The following FAM169A variants were observed in gnomAD, a reference collection of about 807,000 sequenced individuals.
FAM169A encodes the protein family with sequence similarity 169 member A.
In FAM169A, 24 loss-of-function variants were observed where a neutral mutation model predicts 75.7. The observed-to-expected ratio is 0.32, with a 90% CI of 0.23 to 0.45. FAM169A has a LOEUF of 0.45. Ranked by LOEUF, FAM169A falls within the 20% of genes least tolerant of loss-of-function variation. The probability of loss-of-function intolerance (pLI) is 1.00; values close to 1 mark genes in which losing one functional copy is unlikely to be tolerated. For synonymous variants in FAM169A, 271 were observed against 271.0 expected, an observed-to-expected ratio of 1.00 and a Z score of 0.00; for missense variants, 673 against 784.0, an observed-to-expected ratio of 0.86 and a Z score of 1.69.
In FAM169A at chr5:74,778,285, A is replaced by G. The variant is rs151163741; in HGVS notation, c.*3175T>C. On this transcript the variant is annotated 3_prime_UTR_variant, in exon 13 of 13. Coordinates refer to ENST00000687041, the MANE Select transcript of FAM169A (RefSeq NM_001376049.1). ...TAACACAGATGAGTAATATTAGTATAAATTTTTTATGTACATTAAGATCTG... is the reference window on the plus strand; with the variant it reads ...TAACACAGATGAGTAATATTAGTATGAATTTTTTATGTACATTAAGATCTG... 3.9e-5 allele frequency: 6 copies of G among 152,194 alleles called. No individual in the cohort carries two copies. The East Asian group carries it at 1.2e-3, about 29-fold the overall frequency. 9.4% of individuals were successfully genotyped at this position (152,194 alleles called of 1,614,324 possible).
chr5:74,818,795 C>A (rs1469348102), intron 5 of FAM169A, among the ~76,000 whole-genome samples: 224 of 139,848 alleles, frequency 1.6e-3, no homozygotes, highest in Non-Finnish European at 2.5e-3. Flanking sequence ...CTCTCTCTCT[C>A]TCTCTCTCTA....
At position 74,796,109 on chromosome 5, in the gene FAM169A, A is replaced by G; in HGVS notation, c.1181T>C (p.Phe394Ser). The stretch of plus-strand genomic sequence containing the variant: ...ATCTCTATCACTGCTTTCATCCTCA[A>G]ATTCAATCCCTCTCTGTTCAGGTTC... ...EEEPEQRGIE[F>S]EDESSDRDAR... The change falls in exon 11 of 13, where the codon TTT (phenylalanine) becomes TCT (serine). Residue 394 changes from phenylalanine (F) to serine (S), a missense_variant. By Grantham distance (155) the Phe-to-Ser change is radical. Around this residue, in one of 3 missense-constraint regions of FAM169A, gnomAD observed 510 missense variants for 550.9 expected, o/e 0.93. Coordinates refer to ENST00000687041, the MANE Select transcript of FAM169A (RefSeq NM_001376049.1). The G allele has an allele frequency of 1.2e-6, 2 of 1,614,070 alleles. No homozygotes were observed. The highest frequency in any genetic ancestry group is 1.1e-5 in the South Asian group (1 of 91,064).
At chr5:74,831,914 A>G (rs1272672979) in intron 5 of FAM169A, among the ~76,000 whole-genome samples, 1 of 152,120 alleles carries the variant, frequency 6.6e-6, no homozygotes, top group Non-Finnish European at 1.5e-5. Flanking sequence ...AATACCTTCA[A>G]TCTCACTCAA....
intron 1 of FAM169A, among the ~76,000 whole-genome samples, chr5:74,842,257 C>T (rs559295651): frequency 4.0e-5 from 6 of 151,498 alleles, no homozygotes; most frequent in African/African-American, 7.3e-5. Flanking sequence ...CCCATCTCTA[C>T]TAAAAATACA....
chr5:74,861,682 C>T (rs908403746), intron 1 of FAM169A, among the ~76,000 whole-genome samples: 1 of 151,978 alleles, frequency 6.6e-6, no homozygotes, highest in South Asian at 2.1e-4. Context: ...AAGTTAACTT[C>T]TCTCCCTCTA....
chr5:74,814,380 A>G (rs888805582), intron 5 of FAM169A, among the ~76,000 whole-genome samples: 6 of 152,160 alleles, frequency 3.9e-5, no homozygotes, highest in African/African-American at 1.4e-4. Context: ...AAATTTGAAG[A>G]GTATTTGAAG....
intron 1 of FAM169A, among the ~76,000 whole-genome samples, chr5:74,858,224 A>G (rs1749825662): frequency 6.6e-6 from 1 of 152,048 alleles, no homozygotes; most frequent in Non-Finnish European, 1.5e-5. Context: ...CGTCTCTACT[A>G]AAAATGCAAA....
Position 74,813,677 on chromosome 5 carries a change from G to A in FAM169A, c.670+163C>T, listed in dbSNP as rs117245083. Among the ~76,000 whole-genome samples the A allele has an allele frequency of 2.6e-3, 398 of 152,054 alleles. 14 individuals carry two copies. In the East Asian group the frequency reaches 0.062, roughly 24 times the overall value. On this transcript the variant is annotated intron_variant, in intron 6 of 12. Coordinates refer to ENST00000687041, the MANE Select transcript of FAM169A (RefSeq NM_001376049.1). ...TAGTTTTTTAAGACTGCCAAACCCC[G>A]AGAAAACAAATACATAAGGGCACAT...
In FAM169A at chr5:74,835,071, G is replaced by C. The variant is rs528410076; in HGVS notation, c.319-474C>G. On this transcript the variant is annotated intron_variant, in intron 4 of 12. Coordinates refer to ENST00000687041, the MANE Select transcript of FAM169A (RefSeq NM_001376049.1). The stretch of plus-strand genomic sequence containing the variant: ...TAAGAACAATTACATCATTTGGTGA[G>C]GGAAGCCATAATTACACTCTTGGGA... Among the ~76,000 whole-genome samples, 27 of 151,650 alleles carry C rather than the reference G, an allele frequency of 1.8e-4. No homozygotes were observed. In the East Asian group the frequency reaches 5.0e-3, roughly 28 times the overall value.
At chr5:74,790,270 C>T (rs1196688144) in intron 11 of FAM169A, among the ~76,000 whole-genome samples, 2 of 152,176 alleles carry the variant, frequency 1.3e-5, no homozygotes, top group Non-Finnish European at 2.9e-5. Context: ...CAAAAGTGGA[C>T]AGCTACAGCC....
chr5:74,856,392 A>C (rs1749706726), intron 1 of FAM169A, among the ~76,000 whole-genome samples: 1 of 152,174 alleles, frequency 6.6e-6, no homozygotes, highest in Non-Finnish European at 1.5e-5. Flanking sequence ...CATGTTGACA[A>C]TATTGATTCT....
At chr5:74,840,673 T>C (rs926144174) in intron 2 of FAM169A, among the ~76,000 whole-genome samples, 2 of 151,082 alleles carry the variant, frequency 1.3e-5, no homozygotes, top group Non-Finnish European at 3.0e-5. Context: ...ACTAAAAATA[T>C]CAAAAATTAG....
chr5:74,863,830 T>C (rs975800188), intron 1 of FAM169A, among the ~76,000 whole-genome samples: 2 of 152,052 alleles, frequency 1.3e-5, no homozygotes, highest in Non-Finnish European at 2.9e-5. Context: ...ACAGAATCAA[T>C]GTAAAAGTTT....
chr5:74,850,194 G>T (rs1483571713), intron 1 of FAM169A, among the ~76,000 whole-genome samples: 1 of 152,182 alleles, frequency 6.6e-6, no homozygotes, highest in Non-Finnish European at 1.5e-5. Context: ...ACACAAAGTG[G>T]CTGAGTAACT....
chr5:74,805,316 C>T (rs2112544094), intron 6 of FAM169A, 32 bp from the exon 7 acceptor site: 1 of 1,603,656 alleles, frequency 6.2e-7, no homozygotes, highest in East Asian at 2.2e-5. Flanking sequence ...TTCTAGAAAT[C>T]CCAAATATCC....
At chr5:74,832,191 T>G (rs1036026317) in intron 5 of FAM169A, among the ~76,000 whole-genome samples, 3 of 151,668 alleles carry the variant, frequency 2.0e-5, no homozygotes, top group Non-Finnish European at 4.4e-5. Flanking sequence ...TGAGAAAAAA[T>G]GAAACACACC....
chr5:74,799,543 C>A lies in FAM169A; in HGVS notation c.1103+1337G>T, dbSNP rs565002121. On this transcript the variant is annotated intron_variant, in intron 10 of 12. Transcript: ENST00000687041. ...AGTGGATGAAAAGCTGGCCAGCATGCCCTGGGACAGCAAGATGCTTTTTGG... is the reference window on the plus strand; with the variant it reads ...AGTGGATGAAAAGCTGGCCAGCATGACCTGGGACAGCAAGATGCTTTTTGG... 7 of 1,535,192 alleles carry A rather than the reference C, an allele frequency of 4.6e-6. No individual in the cohort carries two copies. In the East Asian group the frequency reaches 1.6e-4, roughly 35 times the overall value.
At chr5:74,866,557 G>T, upstream of FAM169A, 4 of 511,528 alleles carry the variant, frequency 7.8e-6, no homozygotes, top group Non-Finnish European at 1.0e-5. Flanking sequence ...TGGCCAGCCC[G>T]GGGGCGTCAC....
At chr5:74,848,655 A>G (rs1333380070) in intron 1 of FAM169A, 12 of 152,220 alleles carry the variant, frequency 7.9e-5, no homozygotes, top group African/African-American at 2.6e-4. Context: ...CTGTACTCTC[A>G]TTGGTAACGT....
Sources: allele counts gnomAD v4.1 joint callset (sites outside exome capture counted in the v4.1 genomes callset), GRCh38; gene constraint gnomAD v4.1.1; regional missense constraint gnomAD v4.1.1; transcripts MANE v1.5; gene names NCBI Gene and HGNC (gene_info 2026-07-23, HGNC 2026-07-21).